The following RBFOX1 variants were observed in gnomAD, a reference collection of about 807,000 sequenced individuals.
RBFOX1 encodes the protein RNA binding fox-1 homolog 1, also known as RNA binding protein fox-1 homolog 1.
In RBFOX1, 8 loss-of-function variants were observed where a neutral mutation model predicts 57.7. The observed-to-expected ratio is 0.14, with a 90% CI of 0.08 to 0.25. The LOEUF is 0.25. RBFOX1 is among the 10% of genes least tolerant of loss of function. The pLI, the probability that RBFOX1 is intolerant of heterozygous loss-of-function variation, is 1.00. For missense variants in RBFOX1, 611 were observed against 548.5 expected, an observed-to-expected ratio of 1.11 and a Z score of -1.14; for synonymous variants, 326 against 222.4, an observed-to-expected ratio of 1.47 and a Z score of -4.15.
At chr16:5,750,032 A>G (rs987358109) in intron 3 of RBFOX1, among the ~76,000 whole-genome samples, 2 of 152,144 alleles carry the variant, frequency 1.3e-5, no homozygotes, top group Non-Finnish European at 1.5e-5. Flanking sequence ...GGTGATGTAC[A>G]GATGCGGTTT....
intron 1 of RBFOX1, among the ~76,000 whole-genome samples, chr16:5,456,802 C>T (rs2068643522): frequency 2.0e-5 from 3 of 152,162 alleles, no homozygotes; most frequent in Admixed American, 2.0e-4. Context: ...AATCTCATCC[C>T]CCTTGGAATA....
intron 14 of RBFOX1, among the ~76,000 whole-genome samples, chr16:7,695,081 C>G (rs542905053): frequency 3.3e-5 from 5 of 152,326 alleles, no homozygotes; most frequent in African/African-American, 7.2e-5. Context: ...GTGTTTCCAT[C>G]TACCTAATCT....
chr16:5,779,455 C>G (rs939962321), intron 3 of RBFOX1, among the ~76,000 whole-genome samples: 2 of 152,162 alleles, frequency 1.3e-5, no homozygotes, highest in Non-Finnish European at 2.9e-5. Flanking sequence ...TTTCTGACTG[C>G]ATTATATTAC....
At chr16:7,326,476 G>C (rs1854345655) in intron 4 of RBFOX1, among the ~76,000 whole-genome samples, 1 of 152,116 alleles carries the variant, frequency 6.6e-6, no homozygotes, top group Non-Finnish European at 1.5e-5. Flanking sequence ...ACTGAAGACA[G>C]ACAGAGCTGC....
intron 14 of RBFOX1, among the ~76,000 whole-genome samples, chr16:7,684,698 A>ATTTTAATTTTAGAAT (rs1374072813): frequency 2.6e-5 from 4 of 151,686 alleles, no homozygotes; most frequent in African/African-American, 9.7e-5. Flanking sequence ...CAATTTTGTA[A>ATTTTAATTTTAGAAT]TTTAAAATTT....
rs1255420916 is a variant in RBFOX1 at position 6,483,854 on chromosome 16, G to C, written c.-64+166797G>C. The C allele has an allele frequency of 4.2e-6, 5 of 1,202,612 alleles. No individual in the cohort carries two copies. In the African/African-American group the frequency reaches 7.8e-5, roughly 19 times the overall value. 74.5% of individuals were successfully genotyped at this position (1,202,612 alleles called of 1,614,324 possible). ...GGGGACTTGGCCGTGGATGGAATCC[G>C]GGAAACCCAAACCGGAGATGGAAGG... On this transcript the variant is annotated intron_variant, in intron 2 of 15. Transcript: ENST00000550418.
At position 5,463,615 on chromosome 16, in the gene RBFOX1, C is replaced by T. The variant is rs189951900; in HGVS notation, c.220-3601C>T. ...AGGAGTTTGAGATCAGTCTGGCCAA[C>T]GTGGTGAAACCCTGTGTCCACTAAA... On this transcript the variant is annotated intron_variant, in intron 1 of 2. Transcript: ENST00000585867. Among the ~76,000 whole-genome samples, 18 of 151,972 alleles carry T rather than the reference C, an allele frequency of 1.2e-4. No homozygotes were observed. In the East Asian group the frequency reaches 3.1e-3, roughly 26 times the overall value.
At chr16:5,726,318 C>G (rs1372532384) in intron 3 of RBFOX1, among the ~76,000 whole-genome samples, 1 of 152,098 alleles carries the variant, frequency 6.6e-6, no homozygotes, top group Non-Finnish European at 1.5e-5. Context: ...TCAGGCCTGA[C>G]TTTCTTTTCA....
intron 3 of RBFOX1, among the ~76,000 whole-genome samples, chr16:5,720,446 A>C (rs1241001186): frequency 6.6e-6 from 1 of 152,220 alleles, no homozygotes; most frequent in Non-Finnish European, 1.5e-5. Context: ...ATTTTTGTTA[A>C]TCGCAATGAA....
At chr16:5,492,344 C>G (rs80188014) in intron 2 of RBFOX1, among the ~76,000 whole-genome samples, 3 of 152,284 alleles carry the variant, frequency 2.0e-5, no homozygotes, top group Admixed American at 6.5e-5. Context: ...TCCTGCACGC[C>G]AGGTCCTGTG....
rs180686756 is a variant in RBFOX1, at chr16:5,247,823, C to T, written c.219+7718C>T. Among the ~76,000 whole-genome samples the T allele has an allele frequency of 3.2e-4, 48 of 152,292 alleles. No individual in the cohort carries two copies. In the Middle Eastern group the frequency reaches 0.014, roughly 43 times the overall value. On this transcript the variant is annotated intron_variant, in intron 1 of 2. Coordinates refer to the RBFOX1 transcript ENST00000585867. ...CTTTGTACCACCCTGACATCCCAGG[C>T]GGCCATGAGTCCAGCCACCCTTGAA...
intron 4 of RBFOX1, among the ~76,000 whole-genome samples, chr16:7,229,260 A>G (rs1017359592): frequency 1.3e-5 from 2 of 152,222 alleles, no homozygotes; most frequent in African/African-American, 2.4e-5. Context: ...GAAGTATTTT[A>G]TGAAGGCATA....
At chr16:6,584,640 A>AT (rs1424380213) in intron 2 of RBFOX1, among the ~76,000 whole-genome samples, 2 of 151,992 alleles carry the variant, frequency 1.3e-5, no homozygotes, top group Non-Finnish European at 2.9e-5. Context: ...AAGTGCTGGG[A>AT]TTACAGGCAT....
chr16:6,851,035 G>T (rs1231530911), intron 3 of RBFOX1, among the ~76,000 whole-genome samples: 1 of 152,140 alleles, frequency 6.6e-6, no homozygotes, highest in Non-Finnish European at 1.5e-5. Flanking sequence ...ATACTATGTA[G>T]CAATAAAAAA....
intron 14 of RBFOX1, among the ~76,000 whole-genome samples, chr16:7,703,234 T>A (rs1447716137): frequency 6.6e-6 from 1 of 152,216 alleles, no homozygotes; most frequent in Admixed American, 6.5e-5. Context: ...AGTCCCTAAT[T>A]GCATTGCAGA....
rs576330550 is a variant in RBFOX1 at position 7,600,288 on chromosome 16, TG to T, written c.622+2858del. Among the ~76,000 whole-genome samples the T allele has an allele frequency of 2.0e-5, 3 of 152,316 alleles. No homozygotes were observed. In the East Asian group the frequency reaches 5.8e-4, roughly 29 times the overall value. On this transcript the variant is annotated intron_variant, in intron 9 of 15. Coordinates refer to ENST00000550418, the MANE Select transcript of RBFOX1 (RefSeq NM_018723.4). ...CAGTAGAATTTATTTAAAACACAAA[TG>T]TCAATTCTAATTATATAAAGACTTT...
intron 4 of RBFOX1, among the ~76,000 whole-genome samples, chr16:7,516,871 T>G (rs1052786679): frequency 6.6e-6 from 1 of 152,130 alleles, no homozygotes; most frequent in African/African-American, 2.4e-5. Flanking sequence ...TCATCATGTT[T>G]TTGCTGCACT....
At chr16:7,020,051 T>G (rs941216861) in intron 3 of RBFOX1, among the ~76,000 whole-genome samples, 4 of 151,988 alleles carry the variant, frequency 2.6e-5, no homozygotes, top group African/African-American at 4.8e-5. Flanking sequence ...TAGATCAGCT[T>G]AGGTGAACCT....
At chr16:6,618,255 G>A (rs1020372543) in intron 2 of RBFOX1, among the ~76,000 whole-genome samples, 1 of 152,092 alleles carries the variant, frequency 6.6e-6, no homozygotes, top group Non-Finnish European at 1.5e-5. Context: ...ATGATTATGT[G>A]TATACCCTAG....
Sources: gnomAD v4.1 joint callset for allele counts (sites outside exome capture counted in the v4.1 genomes callset) on GRCh38, gnomAD v4.1.1 for gene constraint, MANE v1.5 for transcripts, NCBI Gene and HGNC (gene_info 2026-07-23, HGNC 2026-07-21) for gene names.